The following BOD1L1 variants were observed in gnomAD, a reference collection of about 807,000 sequenced individuals.
BOD1L1 encodes the protein biorientation of chromosomes in cell division 1 like 1, also known as biorientation of chromosomes in cell division protein 1-like 1.
Under a neutral mutation model 240.7 loss-of-function variants are expected in BOD1L1, and 86 were observed. That is an observed-to-expected ratio of 0.36 (90% CI 0.30 to 0.43). The LOEUF (loss-of-function observed/expected upper bound fraction) is 0.43, where lower values mean the gene tolerates loss of function less well. Ranked by LOEUF, BOD1L1 falls within the 20% of genes least tolerant of loss-of-function variation. BOD1L1 has a pLI of 1.00. For missense variants in BOD1L1, 3,554 were observed against 3,643.5 expected, an observed-to-expected ratio of 0.98 and a Z score of 0.63; for synonymous variants, 1,268 against 1,272.3, an observed-to-expected ratio of 1.00 and a Z score of 0.07.
intron 21 of BOD1L1, 37 bp from the exon 22 acceptor site, chr4:13,580,010 TCAG>T (rs906589503): frequency 1.4e-6 from 2 of 1,444,678 alleles, no homozygotes; most frequent in African/African-American, 2.8e-5. Context: ...AAATTTTAAA[TCAG>T]CAGTTTATAA....
intron 25 of BOD1L1, among the ~76,000 whole-genome samples, chr4:13,574,756 A>G (rs1414058369): frequency 6.6e-6 from 1 of 152,182 alleles, no homozygotes; most frequent in Non-Finnish European, 1.5e-5. Flanking sequence ...CTCCACCTAA[A>G]AAAACAAATA....
intron 25 of BOD1L1, among the ~76,000 whole-genome samples, chr4:13,575,605 A>G (rs1712646321): frequency 1.3e-5 from 2 of 152,012 alleles, no homozygotes; most frequent in Admixed American, 1.3e-4. Context: ...TGGTCTCATA[A>G]ACTCCTGGGC....
In BOD1L1 at chr4:13,599,894, C is replaced by T. The variant is rs1379470066; in HGVS notation, c.7006G>A (p.Glu2336Lys). 2.5e-6 allele frequency: 4 copies of T among 1,613,906 alleles called. No homozygotes were observed. The highest frequency in any genetic ancestry group is 3.4e-6 in the Non-Finnish European group (4 of 1,179,842). The change falls in exon 10 of 26, where the codon GAA becomes AAA. Residue 2336 changes from glutamate (E) to lysine (K), a missense_variant. Around this residue, in one of 2 missense-constraint regions of BOD1L1, gnomAD observed 3,393 missense variants for 3,427.1 expected, o/e 0.99. Transcript: ENST00000040738. Reference protein sequence around the residue: ...DAAIISTSTAECMPISASIDR... With the variant: ...DAAIISTSTAKCMPISASIDR... Reference sequence around the variant, plus strand: ...ATGCTGGCGGAAATTGGCATACATTCTGCTGTGCTGGTGGAGATGATGGCA... The same window carrying T: ...ATGCTGGCGGAAATTGGCATACATTTTGCTGTGCTGGTGGAGATGATGGCA...
intron 25 of BOD1L1, chr4:13,572,602 G>T: frequency 1.8e-6 from 2 of 1,098,332 alleles, no homozygotes; most frequent in Non-Finnish European, 2.4e-6. Context: ...ACAGTTATTT[G>T]GTGAGACAAA....
Position 13,601,700 on chromosome 4 carries a change from C to G in BOD1L1, c.5200G>C (p.Gly1734Arg). The G allele has an allele frequency of 6.2e-7, 1 of 1,614,026 alleles. No homozygotes were observed. The highest frequency in any genetic ancestry group is 1.7e-5 in the Admixed American group (1 of 60,030). The change falls in exon 10 of 26, where the codon GGC becomes CGC. Residue 1734 changes from glycine (G) to arginine (R), a missense_variant. This residue lies in a region of BOD1L1 where 3,393 missense variants were observed against 3,427.1 expected (regional missense o/e 0.99). Coordinates refer to ENST00000040738, the MANE Select transcript of BOD1L1 (RefSeq NM_148894.3). Reference sequence around the variant, plus strand: ...CAGATCACAAAGTTATCACTTCTGCCTTCTGCTCCTGTACATGTCACAGTG... The same window carrying G: ...CAGATCACAAAGTTATCACTTCTGCGTTCTGCTCCTGTACATGTCACAGTG... ...EGTVTCTGAEGRSDNFVICSV... is the reference protein window; with the variant it reads ...EGTVTCTGAERRSDNFVICSV...
intron 2 of BOD1L1, among the ~76,000 whole-genome samples, chr4:13,616,533 G>T (rs149942117): frequency 1.3e-4 from 20 of 152,304 alleles, no homozygotes; most frequent in African/African-American, 3.6e-4. Context: ...CTTAAATCTT[G>T]TTTCTTCCTA....
At chr4:13,595,545 G>T (rs933352763) in intron 12 of BOD1L1, among the ~76,000 whole-genome samples, 1 of 152,210 alleles carries the variant, frequency 6.6e-6, no homozygotes, top group Non-Finnish European at 1.5e-5. Flanking sequence ...AGCATCTGGG[G>T]ACAGGCAGGG....
At position 13,587,790 on chromosome 4, in the gene BOD1L1, A is replaced by G. The variant is rs960094237; in HGVS notation, c.8281-19T>C. ...CTTCAACCTGGAATTAAGAATGACT[A>G]TATCAAAGGCCATAGAATCTTGATT... On this transcript the variant is annotated intron_variant, in intron 15 of 25. Transcript: ENST00000040738. 6.1e-6 allele frequency: 9 copies of G among 1,485,244 alleles called. No individual in the cohort carries two copies. The highest frequency in any genetic ancestry group is 6.4e-6 in the Non-Finnish European group (7 of 1,085,806). The allele number at this position is 1,485,244 out of a possible 1,614,324, so 92.0% of individuals were successfully genotyped here. A position where few individuals can be genotyped will look rare whatever the true frequency, so the allele number is the denominator to read the frequency against.
At chr4:13,608,089 G>T (rs775954376) in intron 8 of BOD1L1, among the ~76,000 whole-genome samples, 8 of 152,122 alleles carry the variant, frequency 5.3e-5, no homozygotes, top group Admixed American at 2.0e-4. Flanking sequence ...AAGGAATCTG[G>T]CCCAGATTCT....
chr4:13,571,875 T>C (rs1414449829), intron 25 of BOD1L1, among the ~76,000 whole-genome samples: 1 of 152,216 alleles, frequency 6.6e-6, no homozygotes, highest in Non-Finnish European at 1.5e-5. Flanking sequence ...TGAGAGCATG[T>C]ATGTGAAACT....
intron 2 of BOD1L1, among the ~76,000 whole-genome samples, chr4:13,618,931 AG>A (rs1378256263): frequency 6.6e-6 from 1 of 152,080 alleles, no homozygotes. Context: ...TTGTCAAGTC[AG>A]GGAGACTGGA....
chr4:13,579,858 CCTT>C, intron 22 of BOD1L1, 67 bp downstream of exon 22: 4 of 1,316,304 alleles, frequency 3.0e-6, no homozygotes, highest in Non-Finnish European at 4.2e-6. Flanking sequence ...AAGTTCCAAA[CCTT>C]CTCCAACAGC....
chr4:13,617,971 G>GA (rs1716744279), intron 2 of BOD1L1, among the ~76,000 whole-genome samples: 2 of 152,110 alleles, frequency 1.3e-5, no homozygotes, highest in Admixed American at 6.5e-5. Context: ...AATGTCTCCA[G>GA]AAAAAGAGAT....
In BOD1L1 at chr4:13,599,644, C is replaced by T; in HGVS notation, c.7256G>A (p.Gly2419Glu). Residue 2419 changes from glycine (G) to glutamate (E), a missense_variant, in exon 10 of 26, where the codon GGG (glycine) becomes GAG (glutamate). Around this residue, in one of 2 missense-constraint regions of BOD1L1, gnomAD observed 3,393 missense variants for 3,427.1 expected, o/e 0.99. Coordinates refer to ENST00000040738, the MANE Select transcript of BOD1L1 (RefSeq NM_148894.3). ...ACAAACAGCACTTGGATGGCCTTGC[C>T]CTGCAGAGGGCTTGTGGACTGATGG... ...NGPSVHKPSA[G>E]QGHPSAVCAE... 3 of 1,613,996 alleles carry T rather than the reference C, an allele frequency of 1.9e-6. No individual in the cohort carries two copies. Among genetic ancestry groups the T allele is most frequent in the Non-Finnish European group, 2.5e-6 (3 of 1,179,884 alleles).
At chr4:13,624,425 A>AT (rs1439336183) in intron 1 of BOD1L1, 1 of 152,096 alleles carries the variant, frequency 6.6e-6, no homozygotes, top group Non-Finnish European at 1.5e-5. Context: ...CTTTTTAAAA[A>AT]TTTTTGTTTT....
rs1192036530 is a variant in BOD1L1 at position 13,604,423 on chromosome 4, T to C, written c.2477A>G (p.Lys826Arg). ...TDENVRKENN[K>R]KERRLSAEKT... is the part of the protein sequence containing the mutation. The stretch of plus-strand genomic sequence containing the variant: ...TTCAGCTGACAAGCGTCTCTCTTTT[T>C]TGTTGTTTTCTTTACGAACATTCTC... Residue 826 changes from lysine (K) to arginine (R), a missense_variant, in exon 10 of 26, where the codon AAA becomes AGA. Coordinates refer to ENST00000040738, the MANE Select transcript of BOD1L1 (RefSeq NM_148894.3). The C allele has an allele frequency of 2.5e-6, 4 of 1,572,786 alleles. No homozygotes were observed. The South Asian group carries it at 4.9e-5, about 19-fold the overall frequency.
intron 1 of BOD1L1, among the ~76,000 whole-genome samples, chr4:13,626,761 T>C (rs981459338): frequency 6.6e-6 from 1 of 152,198 alleles, no homozygotes; most frequent in Admixed American, 6.5e-5. Flanking sequence ...CGGTTCTCTC[T>C]ACCCCACCTT....
intron 19 of BOD1L1, 91 bp downstream of exon 19, chr4:13,582,146 A>T: frequency 9.2e-7 from 1 of 1,086,890 alleles, no homozygotes; most frequent in Non-Finnish European, 1.3e-6. Flanking sequence ...CAAAGTACTT[A>T]AGAAAAACTC....
At chr4:13,590,324 A>G (rs991452364) in intron 14 of BOD1L1, 62 bp downstream of exon 14, 1 of 891,842 alleles carries the variant, frequency 1.1e-6, no homozygotes. Flanking sequence ...TGGTATACAG[A>G]CCACACTCAA....
Sources: gnomAD v4.1 joint callset for allele counts (sites outside exome capture counted in the v4.1 genomes callset) on GRCh38, gnomAD v4.1.1 for gene constraint, gnomAD v4.1.1 regional missense constraint, MANE v1.5 for transcripts, NCBI Gene and HGNC (gene_info 2026-07-23, HGNC 2026-07-21) for gene names.